Variants in GRM5 observed in about 807,000 individuals in gnomAD.
The protein encoded by GRM5 is glutamate metabotropic receptor 5.
In GRM5, 19 loss-of-function variants were observed where a neutral mutation model predicts 83.1. The observed-to-expected ratio is 0.23, with a 90% CI of 0.16 to 0.34. The LOEUF (loss-of-function observed/expected upper bound fraction) is 0.34, where lower values mean the gene tolerates loss of function less well. GRM5 is among the 10% of genes least tolerant of loss of function. GRM5 has a pLI of 1.00. For missense variants in GRM5, 1,160 were observed against 1,588.3 expected (o/e 0.73, Z 4.58); for synonymous variants, 675 against 633.6 (o/e 1.07, Z -0.98).
intron 2 of GRM5, among the ~76,000 whole-genome samples, chr11:88,990,364 T>C (rs1369070431): frequency 6.6e-6 from 1 of 151,054 alleles, no homozygotes; most frequent in Admixed American, 6.6e-5. Flanking sequence ...ATTGTGGCAA[T>C]AATCAATAGC....
chr11:88,923,787 C>CA (rs1401107805), intron 2 of GRM5, among the ~76,000 whole-genome samples: 2 of 150,910 alleles, frequency 1.3e-5, no homozygotes, highest in Non-Finnish European at 3.0e-5. Flanking sequence ...GCATTGTATC[C>CA]ATGTATCAAA....
intron 2 of GRM5, among the ~76,000 whole-genome samples, chr11:88,932,368 A>C (rs2135649554): frequency 6.6e-6 from 1 of 152,120 alleles, no homozygotes; most frequent in East Asian, 1.9e-4. Context: ...TTATTGGCTA[A>C]AAAAGTTATA....
chr11:88,570,059 A>AAAGGG (rs1483654930), intron 7 of GRM5, among the ~76,000 whole-genome samples: 4 of 152,054 alleles, frequency 2.6e-5, no homozygotes, highest in African/African-American at 9.7e-5. Flanking sequence ...GGGGAAGGGG[A>AAAGGG]AAGGGAAGGG....
intron 2 of GRM5, among the ~76,000 whole-genome samples, chr11:88,975,928 A>G (rs866022331): frequency 6.6e-5 from 10 of 152,192 alleles, no homozygotes; most frequent in Middle Eastern, 3.2e-3. Context: ...ACAAGAATGA[A>G]ATAATGTTAT....
chr11:88,982,504 A>G (rs879794723), intron 2 of GRM5, among the ~76,000 whole-genome samples: 14 of 152,146 alleles, frequency 9.2e-5, no homozygotes, highest in Admixed American at 8.5e-4. Flanking sequence ...TAATATAGTT[A>G]TAATGTTTTG....
chr11:88,931,619 C>G (rs535343653), intron 2 of GRM5, among the ~76,000 whole-genome samples: 1 of 152,062 alleles, frequency 6.6e-6, no homozygotes, highest in Non-Finnish European at 1.5e-5. Context: ...GAATTTCTAG[C>G]CCCACACAGG....
chr11:88,510,826 T>C (rs187775041), intron 9 of GRM5, among the ~76,000 whole-genome samples: 1 of 152,330 alleles, frequency 6.6e-6, no homozygotes, highest in East Asian at 1.9e-4. Context: ...AGGAATGTTA[T>C]ATGAAGAGAT....
intron 2 of GRM5, among the ~76,000 whole-genome samples, chr11:89,014,454 G>GTT (rs11413873): frequency 1.3e-5 from 2 of 151,470 alleles, no homozygotes; most frequent in African/African-American, 4.9e-5. Flanking sequence ...AGATAGGGCT[G>GTT]TTTTTTTTGC....
intron 4 of GRM5, among the ~76,000 whole-genome samples, chr11:88,607,726 C>A (rs1217624501): frequency 6.6e-6 from 1 of 152,210 alleles, no homozygotes; most frequent in Non-Finnish European, 1.5e-5. Context: ...CTGACTTTCT[C>A]CCACATCTTC....
At chr11:88,970,169 G>T (rs1410606453) in intron 2 of GRM5, among the ~76,000 whole-genome samples, 1 of 152,098 alleles carries the variant, frequency 6.6e-6, no homozygotes, top group Non-Finnish European at 1.5e-5. Context: ...GTGTGTGTTT[G>T]TGTAACTTGA....
chr11:88,741,418 T>C (rs1942026425), intron 3 of GRM5, among the ~76,000 whole-genome samples: 1 of 152,094 alleles, frequency 6.6e-6, no homozygotes, highest in South Asian at 2.1e-4. Flanking sequence ...CTTCATTTGA[T>C]GGGGCTGAGA....
intron 2 of GRM5, among the ~76,000 whole-genome samples, chr11:88,989,176 C>T (rs936851499): frequency 1.4e-5 from 2 of 146,812 alleles, no homozygotes; most frequent in African/African-American, 5.0e-5. Flanking sequence ...ATCTACCAAG[C>T]AAATGGAAAA....
intron 2 of GRM5, among the ~76,000 whole-genome samples, chr11:88,899,379 A>G (rs998774895): frequency 8.1e-5 from 12 of 149,010 alleles, no homozygotes; most frequent in African/African-American, 2.7e-4. Flanking sequence ...AATAAAACTT[A>G]TTTCTTGCCC....
intron 3 of GRM5, among the ~76,000 whole-genome samples, chr11:88,730,952 G>T (rs1177682305): frequency 6.6e-6 from 1 of 152,008 alleles, no homozygotes; most frequent in African/African-American, 2.4e-5. Context: ...AACCACCATG[G>T]CACGTGTATA....
chr11:88,664,802 G>T (rs1939998672), intron 3 of GRM5, among the ~76,000 whole-genome samples: 1 of 152,032 alleles, frequency 6.6e-6, no homozygotes, highest in African/African-American at 2.4e-5. Flanking sequence ...ATTATTTAAA[G>T]TATATAAGAA....
At chr11:89,022,171 T>C (rs1159398086) in intron 2 of GRM5, among the ~76,000 whole-genome samples, 1 of 152,154 alleles carries the variant, frequency 6.6e-6, no homozygotes, top group Non-Finnish European at 1.5e-5. Context: ...TCATGCATTT[T>C]CTTTCTATGC....
intron 3 of GRM5, among the ~76,000 whole-genome samples, chr11:88,658,025 C>G (rs1939808974): frequency 6.6e-6 from 1 of 152,138 alleles, no homozygotes; most frequent in Non-Finnish European, 1.5e-5. Flanking sequence ...CAGTACCTGT[C>G]CGTGTCCTGT....
At chr11:88,921,777 T>C (rs34659457) in intron 2 of GRM5, among the ~76,000 whole-genome samples, 2,285 of 152,238 alleles carry the variant, frequency 0.015, 27 homozygotes, top group Middle Eastern at 0.054. Context: ...TAGAAAGAAG[T>C]AAATGGCTTC....
intron 2 of GRM5, among the ~76,000 whole-genome samples, chr11:88,854,206 C>T (rs1321731902): frequency 6.6e-6 from 1 of 151,580 alleles, no homozygotes. Flanking sequence ...ATAACTAACA[C>T]ATGTTGAATA....
Sources: allele counts gnomAD v4.1 joint callset (sites outside exome capture counted in the v4.1 genomes callset), GRCh38; gene constraint gnomAD v4.1.1; transcripts MANE v1.5; gene names NCBI Gene and HGNC (gene_info 2026-07-23, HGNC 2026-07-21).